Variants in RNH1 observed in about 807,000 individuals in gnomAD.
The protein encoded by RNH1 is ribonuclease inhibitor.
RNH1 carries 38 observed loss-of-function variants against 46.1 expected under a neutral mutation model. That is an observed-to-expected ratio of 0.82 (90% confidence interval 0.64 to 1.08). RNH1 has a LOEUF of 1.08. Ranked by LOEUF, RNH1 falls within the 50% of genes least tolerant of loss-of-function variation. RNH1 has a pLI of 0.00. For missense variants in RNH1, 577 were observed against 590.7 expected, an observed-to-expected ratio of 0.98 and a Z score of 0.24; for synonymous variants, 319 against 279.1, an observed-to-expected ratio of 1.14 and a Z score of -1.43.
rs1848863532 is a variant in RNH1 at position 494,572 on chromosome 11, C to CG, written c.*118dup. The CG allele has an allele frequency of 1.2e-6, 1 of 845,112 alleles. No individual in the cohort carries two copies. Among genetic ancestry groups the CG allele is most frequent in the African/African-American group, 1.7e-5 (1 of 58,450 alleles). The allele number at this position is 845,112 out of a possible 1,614,324, so 52.4% of individuals were successfully genotyped here. ...TCCAAAATATACTGGCAGAAATAAGCGGATCTGAGCGTTTCTCTTCAAACC... is the reference window on the plus strand; with the variant it reads ...TCCAAAATATACTGGCAGAAATAAGCGGGATCTGAGCGTTTCTCTTCAAACC... On this transcript the variant is annotated 3_prime_UTR_variant, in exon 11 of 11. Coordinates refer to ENST00000354420, the MANE Select transcript of RNH1 (RefSeq NM_203387.3).
chr11:500,654 C>T lies in RNH1; in HGVS notation c.102G>A (p.Arg34=). The change falls in exon 4 of 11, where the codon AGG becomes AGA. Residue 34 remains arginine, a splice_region_variant and synonymous_variant. Transcript: ENST00000354420. ...CTTCCGTGAGGCCACAGTCGTCCAG[C>T]CTGTGAGCAGACCCCAGGGTCATGT... is the stretch of plus-strand genomic sequence containing the variant. ...LPLLQQCQVV[R]LDDCGLTEAR... is the part of the protein sequence containing the mutation. The T allele has an allele frequency of 6.2e-7, 1 of 1,604,148 alleles. No individual in the cohort carries two copies. The highest frequency in any genetic ancestry group is 1.3e-5 in the African/African-American group (1 of 75,064).
Position 494,600 on chromosome 11 carries a change from G to GA in RNH1, c.*90_*91insT, listed in dbSNP as rs1848866711. Reference sequence around the variant, plus strand: ...ATCTGAGCGTTTCTCTTCAAACCTAGGATATGCAGGGTGAGAGCATGGCAG... The same window carrying GA: ...ATCTGAGCGTTTCTCTTCAAACCTAGAGATATGCAGGGTGAGAGCATGGCAG... On this transcript the variant is annotated 3_prime_UTR_variant, in exon 11 of 11. Transcript: ENST00000354420. 13 of 1,079,338 alleles carry GA rather than the reference G, an allele frequency of 1.2e-5. No individual in the cohort carries two copies. The African/African-American group carries it at 1.4e-4, about 12-fold the overall frequency. The allele number at this position is 1,079,338 out of a possible 1,614,324, so 66.9% of individuals were successfully genotyped here.
rs1029411297 is a variant in RNH1 at position 497,914 on chromosome 11, G to A, written c.1127+57C>T. 38 of 1,563,968 alleles carry A rather than the reference G, an allele frequency of 2.4e-5. 1 individual carries two copies. In the African/African-American group the frequency reaches 3.2e-4, roughly 13 times the overall value. Reference sequence around the variant, plus strand: ...TACTCGTGCACTCTCGCCCTTGTGTGCACACACGGGCATATGATCTCCCAA... The same window carrying A: ...TACTCGTGCACTCTCGCCCTTGTGTACACACACGGGCATATGATCTCCCAA... On this transcript the variant is annotated intron_variant, in intron 9 of 10. Coordinates refer to ENST00000354420, the MANE Select transcript of RNH1 (RefSeq NM_203387.3).
chr11:495,284 C>G lies in RNH1; in HGVS notation c.1128-231G>C, dbSNP rs186626865. On this transcript the variant is annotated intron_variant, in intron 9 of 10. Transcript: ENST00000354420. ...ACAAGCAGCCTCACTCGCCTGAGAT[C>G]TTCTGCAGGGAGGAGAAAGGACAGG... 1.7e-4 allele frequency among the ~76,000 whole-genome samples: 26 copies of G among 152,298 alleles called. No individual in the cohort carries two copies. In the East Asian group the frequency reaches 4.6e-3, roughly 27 times the overall value.
Position 498,953 on chromosome 11 carries a change from G to A in RNH1, c.615-20C>T, listed in dbSNP as rs367804288. On this transcript the variant is annotated intron_variant, in intron 6 of 10. Coordinates refer to ENST00000354420, the MANE Select transcript of RNH1 (RefSeq NM_203387.3). The stretch of plus-strand genomic sequence containing the variant: ...TCCAGCCTGGGGACACGGGTCACAC[G>A]TGAGGCAGCACGGGACCCCCCCTAG... 4.1e-5 allele frequency: 66 copies of A among 1,611,744 alleles called. No homozygotes were observed. In the African/African-American group the frequency reaches 6.1e-4, roughly 15 times the overall value.
rs563900416 is a variant in RNH1, at chr11:502,504, G to A, written c.-87-255C>T. The A allele has an allele frequency of 5.2e-4, 201 of 390,138 alleles. No homozygotes were observed. The highest frequency in any genetic ancestry group is 8.2e-4 in the African/African-American group (41 of 49,796). The allele number at this position is 390,138 out of a possible 1,614,324, so 24.2% of individuals were successfully genotyped here. On this transcript the variant is annotated intron_variant, in intron 2 of 10. Coordinates refer to ENST00000354420, the MANE Select transcript of RNH1 (RefSeq NM_203387.3). This position sits in a 1 kb window ranked among gnomAD's most constrained non-coding sequence, Gnocchi z 5.8. ...CACCTCCTCCTGCCCCACAGAGGGCGGGACAGCAGCAGCCCGGGAAGCCCC... is the reference window on the plus strand; with the variant it reads ...CACCTCCTCCTGCCCCACAGAGGGCAGGACAGCAGCAGCCCGGGAAGCCCC...
chr11:502,263 C>T lies in RNH1; in HGVS notation c.-87-14G>A. 1 of 914,112 alleles carries T rather than the reference C, an allele frequency of 1.1e-6. No individual in the cohort carries two copies. The highest frequency in any genetic ancestry group is 1.7e-6 in the Non-Finnish European group (1 of 578,282). The allele number at this position is 914,112 out of a possible 1,614,324, so 56.6% of individuals were successfully genotyped here. A position where few individuals can be genotyped will look rare whatever the true frequency, so the allele number is the denominator to read the frequency against. ...AGGCCGGAGATTCTGCAAACAGGAC[C>T]CACAGGGCTGATGTTTCAGGAGGAG... On this transcript the variant is annotated splice_polypyrimidine_tract_variant and intron_variant, in intron 2 of 10. Coordinates refer to ENST00000354420, the MANE Select transcript of RNH1 (RefSeq NM_203387.3). The surrounding 1 kb of genome is among the most constrained non-coding windows in gnomAD (Gnocchi z 5.8).
In RNH1 at chr11:501,070, T is replaced by G. The variant is rs879831794; in HGVS notation, c.102-416A>C. The G allele has an allele frequency of 5.7e-6, 2 of 351,136 alleles. No individual in the cohort carries two copies. Among genetic ancestry groups the G allele is most frequent in the African/African-American group, 2.1e-5 (1 of 46,746 alleles). 21.8% of individuals were successfully genotyped at this position (351,136 alleles called of 1,614,324 possible). On this transcript the variant is annotated intron_variant, in intron 3 of 10. Coordinates refer to ENST00000354420, the MANE Select transcript of RNH1 (RefSeq NM_203387.3). The surrounding 1 kb of genome is among the most constrained non-coding windows in gnomAD (Gnocchi z 4.1). ...TTGAGCCCAGGAGGTTGAGGCCGCA[T>G]AAGCCATGAGGGAGCCACTCCAGCC...
chr11:502,100 G>T lies in RNH1; in HGVS notation c.63C>A (p.Ala21=), dbSNP rs140000285. 8.7e-6 allele frequency: 14 copies of T among 1,612,270 alleles called. No individual in the cohort carries two copies. Among genetic ancestry groups the T allele is most frequent in the Non-Finnish European group, 1.2e-5 (14 of 1,179,578 alleles). The stretch of plus-strand genomic sequence containing the variant: ...ACTGCTGGAGCAGAGGGAGGAGCTC[G>T]GCCCATCTAGCGTCGCTCAGCTCCT... ...QCEELSDARW[A]ELLPLLQQCQ... The change falls in exon 3 of 11, where the codon GCC becomes GCA. Residue 21 remains alanine (A), a synonymous_variant. Transcript: ENST00000354420. The surrounding 1 kb of genome is among the most constrained non-coding windows in gnomAD (Gnocchi z 5.8).
chr11:495,156 G>C lies in RNH1; in HGVS notation c.1128-103C>G. ...GGGGGCGCGACGGACACCTGTGCTC[G>C]GCAACTCAGGACCCTCAGGTGGGGC... is the stretch of plus-strand genomic sequence containing the variant. On this transcript the variant is annotated intron_variant, in intron 9 of 10. Coordinates refer to ENST00000354420, the MANE Select transcript of RNH1 (RefSeq NM_203387.3). 1.3e-5 allele frequency: 16 copies of C among 1,202,542 alleles called. No homozygotes were observed. The South Asian group carries it at 2.1e-4, about 16-fold the overall frequency. 74.5% of individuals were successfully genotyped at this position (1,202,542 alleles called of 1,614,324 possible).
chr11:495,020 G>A lies in RNH1; in HGVS notation c.1161C>T (p.Cys387=), dbSNP rs771591652. The A allele has an allele frequency of 1.1e-5, 18 of 1,604,868 alleles. No individual in the cohort carries two copies. The highest frequency in any genetic ancestry group is 1.7e-4 in the Middle Eastern group (1 of 5,908). The change falls in exon 10 of 11, where the codon TGC becomes TGT. Residue 387 remains cysteine (C), a synonymous_variant. Coordinates refer to ENST00000354420, the MANE Select transcript of RNH1 (RefSeq NM_203387.3). The part of the protein sequence containing the change: ...LADCDVSDSS[C]SSLAATLLAN... ...CCAACAGGGTTGCGGCGAGGCTGCTGCAGCTGCTGTCACTCACATCGCAGT... is the reference window on the plus strand; with the variant it reads ...CCAACAGGGTTGCGGCGAGGCTGCTACAGCTGCTGTCACTCACATCGCAGT...
chr11:499,547 A>C (rs61876345), intron 5 of RNH1: 178,468 of 699,600 alleles, frequency 0.26, 23,501 homozygotes, highest in Middle Eastern at 0.31. Context: ...ACTCACGGCC[A>C]GGCATCTGTT....
intron 1 of RNH1, chr11:505,690 C>G (rs1850204458): frequency 6.6e-6 from 1 of 152,206 alleles, no homozygotes; most frequent in African/African-American, 2.4e-5. Context: ...TCCCAAGTAG[C>G]TGGGACTACA....
rs370920220 is a variant in RNH1 at position 498,891 on chromosome 11, C to T, written c.657G>A (p.Leu219=). Residue 219 remains leucine, a synonymous_variant, in exon 7 of 11, where the codon CTG becomes CTA. Coordinates refer to ENST00000354420, the MANE Select transcript of RNH1 (RefSeq NM_203387.3). ...CGVTSDNCRD[L]CGIVASKASL... ...AGGCCTTGGAGGCCACAATGCCGCA[C>T]AGGTCCCGGCAGTTGTCTGATGTCA... The T allele has an allele frequency of 1.2e-5, 20 of 1,612,546 alleles. 1 individual carries two copies. The highest frequency in any genetic ancestry group is 1.6e-4 in the Middle Eastern group (1 of 6,082).
At position 502,170 on chromosome 11, in the gene RNH1, G is replaced by A. The variant is rs754863617; in HGVS notation, c.-8C>T. 1.2e-6 allele frequency: 2 copies of A among 1,603,164 alleles called. No homozygotes were observed. The highest frequency in any genetic ancestry group is 1.7e-6 in the Non-Finnish European group (2 of 1,173,676). On this transcript the variant is annotated 5_prime_UTR_variant, in exon 3 of 11. Coordinates refer to ENST00000354420, the MANE Select transcript of RNH1 (RefSeq NM_203387.3). This position sits in a 1 kb window ranked among gnomAD's most constrained non-coding sequence, Gnocchi z 5.8. ...CTGGATGTCCAGGCTCATGGTGGAG[G>A]TGAAGAGTGGCCTGGGTGGGAGGCA...
rs141208994 is a variant in RNH1, at chr11:498,462, C to T, written c.951G>A (p.Ser317=). The change falls in exon 8 of 11, where the codon TCG becomes TCA. Residue 317 remains serine, a synonymous_variant. Transcript: ENST00000354420. ...TLLEPGCQLE[S]LWVKSCSFTA... Reference sequence around the variant, plus strand: ...GCCCCGACAGCCACACTCACCACAGCGACTCCAGCTGGCAGCCAGGTTCCA... The same window carrying T: ...GCCCCGACAGCCACACTCACCACAGTGACTCCAGCTGGCAGCCAGGTTCCA... 73 of 1,612,288 alleles carry T rather than the reference C, an allele frequency of 4.5e-5. No individual in the cohort carries two copies. Among genetic ancestry groups the T allele is most frequent in the Admixed American group, 1.3e-4 (8 of 60,004 alleles).
Position 498,576 on chromosome 11 carries a change from G to A in RNH1, c.837C>T (p.Val279=), listed in dbSNP as rs1849388515. The A allele has an allele frequency of 6.2e-7, 1 of 1,613,016 alleles. No homozygotes were observed. ...TAKGCGDLCR[V]LRAKESLKEL... ...CCTTCAGGCTCTCCTTGGCCCTGAG[G>A]ACACGGCACAGATCCCCGCAGCCCT... Residue 279 remains valine (V), a synonymous_variant, in exon 8 of 11, where the codon GTC becomes GTT. Transcript: ENST00000354420.
intron 9 of RNH1, among the ~76,000 whole-genome samples, 194 bp downstream of exon 9, chr11:497,773 GCTCA>G (rs1180454180): frequency 3.3e-5 from 5 of 150,642 alleles, no homozygotes; most frequent in African/African-American, 4.9e-5. Context: ...ACGGACACGT[GCTCA>G]CTCTCACATG....
chr11:499,643 G>A (rs769074589), intron 5 of RNH1, 186 bp downstream of exon 5: 42 of 756,456 alleles, frequency 5.6e-5, no homozygotes, highest in Middle Eastern at 2.2e-4. Context: ...CCCAGCCCCA[G>A]CATCATGGGG....
Sources: allele counts gnomAD v4.1 joint callset (sites outside exome capture counted in the v4.1 genomes callset), GRCh38; gene constraint gnomAD v4.1.1; non-coding constraint Gnocchi (gnomAD v3.1); transcripts MANE v1.5; gene names NCBI Gene and HGNC (gene_info 2026-07-23, HGNC 2026-07-21).